The following ARFIP1 variants were observed in gnomAD, a reference collection of about 807,000 sequenced individuals.
The protein encoded by ARFIP1 is arfaptin-1.
A neutral mutation model predicts 42.5 loss-of-function variants in ARFIP1; 24 were observed. That is an observed-to-expected ratio of 0.57 (90% CI 0.41 to 0.80). The LOEUF (loss-of-function observed/expected upper bound fraction) is 0.80. ARFIP1 is among the 30% of genes least tolerant of loss of function. ARFIP1 has a pLI of 0.00. For missense variants in ARFIP1, 354 were observed against 434.0 expected (o/e 0.82, Z 1.64); for synonymous variants, 141 against 153.7 (o/e 0.92, Z 0.61).
chr4:152,892,681 A>G lies in ARFIP1; in HGVS notation c.966+4374A>G, dbSNP rs1308202478. Among the ~76,000 whole-genome samples, 3 of 152,204 alleles carry G rather than the reference A, an allele frequency of 2.0e-5. No individual in the cohort carries two copies. In the East Asian group the frequency reaches 5.8e-4, roughly 29 times the overall value. The stretch of plus-strand genomic sequence containing the variant: ...GTATGTAAAATACTCACATTTCTGC[A>G]TATATGTGTGATAAATGCACCTAAG... On this transcript the variant is annotated intron_variant, in intron 8 of 8. Transcript: ENST00000353617.
chr4:152,797,564 T>G (rs1731543797), intron 1 of ARFIP1, among the ~76,000 whole-genome samples: 1 of 152,238 alleles, frequency 6.6e-6, no homozygotes. Flanking sequence ...TTTATAATGT[T>G]GTCATCCTGT....
intron 8 of ARFIP1, among the ~76,000 whole-genome samples, chr4:152,892,696 A>G: frequency 6.6e-6 from 1 of 152,198 alleles, no homozygotes; most frequent in East Asian, 1.9e-4. Flanking sequence ...TGTGTGATAA[A>G]TGCACCTAAG....
chr4:152,905,559 T>TTTTG (rs1561187054), intron 8 of ARFIP1, among the ~76,000 whole-genome samples: 1 of 120,086 alleles, frequency 8.3e-6, no homozygotes, highest in African/African-American at 3.1e-5. Flanking sequence ...TTTTTTTTTT[T>TTTTG]TTTTTTTTTT....
chr4:152,882,321 T>C (rs943483118), intron 6 of ARFIP1, among the ~76,000 whole-genome samples: 2 of 152,178 alleles, frequency 1.3e-5, no homozygotes, highest in African/African-American at 2.4e-5. Flanking sequence ...CTTTGTTTTA[T>C]GTCTGAAAGT....
At chr4:152,843,011 G>A (rs1370095512) in intron 2 of ARFIP1, among the ~76,000 whole-genome samples, 5 of 152,112 alleles carry the variant, frequency 3.3e-5, no homozygotes, top group Non-Finnish European at 7.4e-5. Flanking sequence ...CATATTACCA[G>A]GGTTGGTTTC....
At chr4:152,889,720 A>ATATACTATATATAC (rs1291923643) in intron 8 of ARFIP1, among the ~76,000 whole-genome samples, 1 of 122,800 alleles carries the variant, frequency 8.1e-6, no homozygotes, top group Non-Finnish European at 1.6e-5. Context: ...ATACACTAAT[A>ATATACTATATATAC]TATACTATAT....
Position 152,847,037 on chromosome 4 carries a change from AC to A in ARFIP1, c.94-16568del, listed in dbSNP as rs1561139186. Among the ~76,000 whole-genome samples, 837 of 150,302 alleles carry A rather than the reference AC, an allele frequency of 5.6e-3. 6 individuals are homozygous for A. The highest frequency in any genetic ancestry group is 0.019 in the African/African-American group (781 of 40,716). ...CTGGTTAGCTTTACACTCAATATTC[AC>A]ATCTATGTAGAGATGATTTTGTCCT... On this transcript the variant is annotated intron_variant, in intron 2 of 8. Transcript: ENST00000353617.
intron 4 of ARFIP1, 143 bp downstream of exon 4, chr4:152,870,991 G>T (rs1473663767): frequency 1.6e-5 from 9 of 549,048 alleles, no homozygotes; most frequent in Non-Finnish European, 1.8e-5. Context: ...AACAATAAAG[G>T]AAATAATTTT....
chr4:152,842,044 A>C (rs1354417319), intron 2 of ARFIP1, among the ~76,000 whole-genome samples: 1 of 152,170 alleles, frequency 6.6e-6, no homozygotes, highest in African/African-American at 2.4e-5. Context: ...AGGCTGACTA[A>C]GAATCCCTAA....
chr4:152,899,165 C>CT (rs959213780), intron 8 of ARFIP1, among the ~76,000 whole-genome samples: 23 of 152,042 alleles, frequency 1.5e-4, no homozygotes, highest in African/African-American at 4.3e-4. Flanking sequence ...ATATGTATCC[C>CT]TTTTTTTTGG....
intron 7 of ARFIP1, among the ~76,000 whole-genome samples, chr4:152,887,198 T>C (rs1736332365): frequency 6.6e-6 from 1 of 151,956 alleles, no homozygotes; most frequent in South Asian, 2.1e-4. Context: ...GATAGTACTA[T>C]ACTTAGACAG....
chr4:152,894,220 AAAG>A (rs1737116373), intron 8 of ARFIP1, among the ~76,000 whole-genome samples: 1 of 151,668 alleles, frequency 6.6e-6, no homozygotes, highest in African/African-American at 2.4e-5. Context: ...AAAAAAAAAA[AAAG>A]AAAGAAAAAA....
intron 2 of ARFIP1, among the ~76,000 whole-genome samples, chr4:152,837,348 C>T (rs1316639676): frequency 2.0e-5 from 3 of 152,180 alleles, no homozygotes; most frequent in Admixed American, 2.0e-4. Context: ...TAAGGAATCT[C>T]CACACTGTTT....
At chr4:152,885,800 T>C (rs1191090284) in intron 7 of ARFIP1, among the ~76,000 whole-genome samples, 1 of 152,062 alleles carries the variant, frequency 6.6e-6, no homozygotes, top group Non-Finnish European at 1.5e-5. Context: ...CTTTTTTCTC[T>C]TTTATTTCCT....
chr4:152,881,323 A>T, intron 6 of ARFIP1, 139 bp downstream of exon 6: 1 of 685,210 alleles, frequency 1.5e-6, no homozygotes, highest in Non-Finnish European at 2.4e-6. Flanking sequence ...ATTTCATATC[A>T]CTTTAAGAAG....
At chr4:152,804,122 T>C (rs1373356632) in intron 1 of ARFIP1, among the ~76,000 whole-genome samples, 7 of 117,296 alleles carry the variant, frequency 6.0e-5, no homozygotes, top group Admixed American at 9.9e-5. Flanking sequence ...TAACATGTAT[T>C]ATATATTATA....
chr4:152,845,554 G>A (rs1003114654), intron 2 of ARFIP1, among the ~76,000 whole-genome samples: 5 of 151,964 alleles, frequency 3.3e-5, no homozygotes, highest in Admixed American at 2.6e-4. Context: ...ATGAATAGAC[G>A]CTTTTCAAAA....
rs1173884906 is a variant in ARFIP1, at chr4:152,795,503, ATTTGTC to A, written c.-10+15283_-10+15288del. Among the ~76,000 whole-genome samples, 22 of 152,216 alleles carry A rather than the reference ATTTGTC, an allele frequency of 1.4e-4. 1 individual carries two copies. Among genetic ancestry groups the A allele is most frequent in the African/African-American group, 5.1e-4 (21 of 41,546 alleles). The stretch of plus-strand genomic sequence containing the variant: ...AATTACAAAGAATGCTAGAGTGTGT[ATTTGTC>A]TTTGTATATTTGGAGGTATATTCCC... On this transcript the variant is annotated intron_variant, in intron 1 of 8. Coordinates refer to ENST00000353617, the MANE Select transcript of ARFIP1 (RefSeq NM_001025595.3).
chr4:152,869,100 A>G (rs1240358206), intron 3 of ARFIP1, among the ~76,000 whole-genome samples: 1 of 152,192 alleles, frequency 6.6e-6, no homozygotes, highest in Admixed American at 6.5e-5. Context: ...TTGAATTTTA[A>G]TGTGAGATCC....
Sources: gnomAD v4.1 joint callset for allele counts (sites outside exome capture counted in the v4.1 genomes callset) on GRCh38, gnomAD v4.1.1 for gene constraint, MANE v1.5 for transcripts, NCBI Gene and HGNC (gene_info 2026-07-23, HGNC 2026-07-21) for gene names.